The following EXD3 variants were observed in gnomAD, a reference collection of about 807,000 sequenced individuals.
EXD3 encodes exonuclease mut-7 homolog.
Under a neutral mutation model 98.0 loss-of-function variants are expected in EXD3, and 92 were observed. That is an observed-to-expected ratio of 0.94 (90% CI 0.79 to 1.12). The LOEUF is 1.12. Among genes scored for constraint, EXD3 ranks in the 50% most tolerant of loss-of-function variants. The pLI, the probability that EXD3 is intolerant of heterozygous loss-of-function variation, is 0.00. For missense variants in EXD3, 1,222 were observed against 1,191.6 expected, an observed-to-expected ratio of 1.03 and a Z score of -0.38; for synonymous variants, 569 against 526.0, an observed-to-expected ratio of 1.08 and a Z score of -1.12.
chr9:137,402,767 A>C lies in EXD3; in HGVS notation c.-47-7363T>G, dbSNP rs116653784. On this transcript the variant is annotated intron_variant, in intron 1 of 21. Transcript: ENST00000340951. The stretch of plus-strand genomic sequence containing the variant: ...TTAGCCCGTTTTCACGCTGCTGATA[A>C]ACACATACCTGAGACTCAGAACAAA... Among the ~76,000 whole-genome samples the C allele has an allele frequency of 3.4e-3, 517 of 152,252 alleles. 4 individuals carry two copies. Among genetic ancestry groups the C allele is most frequent in the African/African-American group, 0.012 (486 of 41,530 alleles).
At chr9:137,417,406 G>A (rs2131842208) in intron 1 of EXD3, among the ~76,000 whole-genome samples, 1 of 152,346 alleles carries the variant, frequency 6.6e-6, no homozygotes, top group East Asian at 1.9e-4. Flanking sequence ...ACCTGACCAC[G>A]GGTTCCGCGG....
chr9:137,356,382 G>A lies in EXD3; in HGVS notation c.657-14C>T. 6.6e-7 allele frequency: 1 copy of A among 1,511,198 alleles called. No homozygotes were observed. Among genetic ancestry groups the A allele is most frequent in the Non-Finnish European group, 9.1e-7 (1 of 1,098,092 alleles). 93.6% of individuals were successfully genotyped at this position (1,511,198 alleles called of 1,614,324 possible). On this transcript the variant is annotated splice_polypyrimidine_tract_variant and intron_variant, in intron 7 of 21. Transcript: ENST00000340951. The stretch of plus-strand genomic sequence containing the variant: ...TCAGGGTACCGTCTGTGGGGAGAGA[G>A]AGGCACAGCCTCTGTTGCTGTTTTA...
At chr9:137,356,805 C>A (rs545694447) in intron 7 of EXD3, among the ~76,000 whole-genome samples, 1 of 152,184 alleles carries the variant, frequency 6.6e-6, no homozygotes, top group Non-Finnish European at 1.5e-5. Context: ...AGTTACCCAT[C>A]CTGGTCCCTT....
At chr9:137,342,764 G>A (rs919663367) in intron 17 of EXD3, among the ~76,000 whole-genome samples, 3 of 152,154 alleles carry the variant, frequency 2.0e-5, no homozygotes, top group Admixed American at 6.6e-5. Flanking sequence ...GCCACGAGAT[G>A]TTCCACAGAA....
rs553293191 is a variant in EXD3 at position 137,352,625 on chromosome 9, C to T, written c.1032G>A (p.Gln344=). 378 of 1,544,900 alleles carry T rather than the reference C, an allele frequency of 2.4e-4. 1 individual carries two copies. The highest frequency in any genetic ancestry group is 3.0e-4 in the Non-Finnish European group (347 of 1,145,092). Residue 344 remains glutamine (Q), a synonymous_variant, in exon 11 of 22, where the codon CAG becomes CAA. Transcript: ENST00000340951. ...GTCACCCTGGCGGCGCTCACCTCCC[C>T]TGGAGCCTGAACCGGCGGAGTTCCA... ...VAVELRRFRL[Q]GRATEADSRL...
chr9:137,416,223 C>T (rs1281527512), intron 1 of EXD3, among the ~76,000 whole-genome samples: 1 of 152,204 alleles, frequency 6.6e-6, no homozygotes, highest in Non-Finnish European at 1.5e-5. Flanking sequence ...TCTGCGGTGG[C>T]TGGCTGGGTG....
intron 5 of EXD3, among the ~76,000 whole-genome samples, chr9:137,368,734 G>A (rs1835409269): frequency 6.6e-6 from 1 of 152,240 alleles, no homozygotes; most frequent in African/African-American, 2.4e-5. Flanking sequence ...CCGGTGCGCA[G>A]GGTGGGGGCG....
At chr9:137,365,815 C>A (rs1198797253) in intron 7 of EXD3, 9 of 349,416 alleles carry the variant, frequency 2.6e-5, no homozygotes, top group Non-Finnish European at 5.1e-5. Context: ...ATGTACACAT[C>A]ATATGCACGC....
At chr9:137,334,547 C>G (rs112991551) in intron 17 of EXD3, among the ~76,000 whole-genome samples, 16 of 152,100 alleles carry the variant, frequency 1.1e-4, no homozygotes, top group African/African-American at 3.9e-4. Context: ...GAGAATGAAA[C>G]TGGATCCATA....
At chr9:137,329,638 T>C (rs1282695362) in intron 17 of EXD3, among the ~76,000 whole-genome samples, 1 of 13,286 alleles carries the variant, frequency 7.5e-5, no homozygotes, top group Non-Finnish European at 1.2e-4. Context: ...TACACGGGAC[T>C]ACACGGGACT....
At chr9:137,316,314 C>T (rs924897691) in intron 19 of EXD3, among the ~76,000 whole-genome samples, 8 of 151,932 alleles carry the variant, frequency 5.3e-5, no homozygotes, top group South Asian at 4.1e-4. Flanking sequence ...CCGCGGCCTT[C>T]GCGCGCCGGC....
chr9:137,378,974 C>T (rs200508969), intron 3 of EXD3, among the ~76,000 whole-genome samples: 96 of 105,724 alleles, frequency 9.1e-4, no homozygotes, highest in South Asian at 2.1e-3. Flanking sequence ...TGCCTGGGGC[C>T]GAGGGGAATG....
At chr9:137,398,077 A>G (rs1051886735) in intron 1 of EXD3, among the ~76,000 whole-genome samples, 6 of 152,262 alleles carry the variant, frequency 3.9e-5, no homozygotes, top group Non-Finnish European at 7.3e-5. Context: ...CATCACTGAA[A>G]TGTGTTTGAC....
rs561398352 is a variant in EXD3, at chr9:137,339,019, G to A, written c.1998+9052C>T. On this transcript the variant is annotated intron_variant, in intron 17 of 21. Transcript: ENST00000340951. Reference sequence around the variant, plus strand: ...GCAGACACAGCAGAGCCTTAAGAGCGGACACCGACAATCTATAACAATCTA... The same window carrying A: ...GCAGACACAGCAGAGCCTTAAGAGCAGACACCGACAATCTATAACAATCTA... Among the ~76,000 whole-genome samples, 20 of 152,056 alleles carry A rather than the reference G, an allele frequency of 1.3e-4. No individual in the cohort carries two copies. In the South Asian group the frequency reaches 1.5e-3, roughly 11 times the overall value.
intron 7 of EXD3, among the ~76,000 whole-genome samples, chr9:137,358,568 C>T (rs190920410): frequency 6.6e-6 from 1 of 152,330 alleles, no homozygotes; most frequent in African/African-American, 2.4e-5. Context: ...TTCCGGGTTC[C>T]AGCTCCCGTC....
At chr9:137,419,187 A>G (rs1838386991) in intron 1 of EXD3, among the ~76,000 whole-genome samples, 1 of 152,242 alleles carries the variant, frequency 6.6e-6, no homozygotes, top group South Asian at 2.1e-4. Context: ...ATATGTTCCA[A>G]AATTGTATGA....
chr9:137,326,181 C>A (rs1296389872), intron 17 of EXD3, among the ~76,000 whole-genome samples: 4 of 151,884 alleles, frequency 2.6e-5, no homozygotes, highest in Non-Finnish European at 5.9e-5. Context: ...GCAAAGGCAG[C>A]AAAAGAAACA....
chr9:137,397,816 G>A (rs117755710), intron 1 of EXD3, among the ~76,000 whole-genome samples: 2,660 of 152,240 alleles, frequency 0.017, 39 homozygotes, highest in Non-Finnish European at 0.029. Context: ...GGTGGCTCAC[G>A]CCTTTGGTTC....
At chr9:137,409,160 C>T (rs1324402603) in intron 1 of EXD3, among the ~76,000 whole-genome samples, 4 of 152,146 alleles carry the variant, frequency 2.6e-5, no homozygotes, top group East Asian at 1.9e-4. Context: ...TGGGTTATCA[C>T]GGGAGTGGAA....
Sources: gnomAD v4.1 joint callset for allele counts (sites outside exome capture counted in the v4.1 genomes callset) on GRCh38, gnomAD v4.1.1 for gene constraint, MANE v1.5 for transcripts, NCBI Gene and HGNC (gene_info 2026-07-23, HGNC 2026-07-21) for gene names.